The following CPS1 variants were observed in gnomAD, a reference collection of about 807,000 sequenced individuals.
CPS1 encodes carbamoyl-phosphate synthase [ammonia], mitochondrial.
CPS1 carries 109 observed loss-of-function variants against 174.6 expected under a neutral mutation model. The ratio of observed to expected loss-of-function variants is 0.62; its 90% CI spans 0.53 to 0.73. CPS1 has a LOEUF of 0.73. Ranked by LOEUF, CPS1 falls within the 30% of genes least tolerant of loss-of-function variation. The pLI is 0.00. For synonymous variants in CPS1, 637 were observed against 632.0 expected (o/e 1.01, Z -0.12); for missense variants, 1,689 against 1,821.9 (o/e 0.93, Z 1.33).
At chr2:210,597,788 C>T (rs189428077) in intron 13 of CPS1, among the ~76,000 whole-genome samples, 6 of 149,802 alleles carry the variant, frequency 4.0e-5, no homozygotes, top group East Asian at 2.0e-4. Context: ...AGGTCTCTCC[C>T]GATGTAAGGA....
intron 33 of CPS1, among the ~76,000 whole-genome samples, chr2:210,666,807 C>A (rs529386561): frequency 6.6e-6 from 1 of 152,080 alleles, no homozygotes. Flanking sequence ...CTTGGCAATG[C>A]GGGCTCTTTT....
intron 25 of CPS1, among the ~76,000 whole-genome samples, chr2:210,643,117 G>A (rs1011599512): frequency 2.6e-5 from 4 of 152,102 alleles, no homozygotes; most frequent in African/African-American, 9.7e-5. Context: ...GCTCACAAAA[G>A]ACCAGTTAAT....
Position 210,658,601 on chromosome 2 carries a change from G to A in CPS1, c.3669G>A (p.Val1223=), listed in dbSNP as rs1265159375. The A allele has an allele frequency of 6.2e-7, 1 of 1,613,740 alleles. No individual in the cohort carries two copies. The highest frequency in any genetic ancestry group is 1.7e-5 in the Admixed American group (1 of 60,024). ...QTISQGAIEK[V]KDATRKIAKA... is the part of the protein sequence containing the mutation. ...TACGATTATGCTTTTTAATTCAGGT[G>A]AAGGATGCTACCCGGAAGATTGCAA... is the stretch of plus-strand genomic sequence containing the variant. Residue 1223 remains valine (V), a splice_region_variant and synonymous_variant, in exon 31 of 38, where the codon GTG becomes GTA. Transcript: ENST00000233072.
In CPS1 at chr2:210,642,604, G is replaced by A; in HGVS notation, c.3080G>A (p.Cys1027Tyr). 2 of 1,614,064 alleles carry A rather than the reference G, an allele frequency of 1.2e-6. No individual in the cohort carries two copies. The highest frequency in any genetic ancestry group is 1.7e-6 in the Non-Finnish European group (2 of 1,179,974). Reference protein sequence around the residue: ...PETVSTDFDECDKLYFEELSL... With the variant: ...PETVSTDFDEYDKLYFEELSL... ...ACTGTGAGCACAGACTTTGATGAGT[G>A]TGACAAACTGTACTTTGAAGAGTTG... The change falls in exon 25 of 38, where the codon TGT (cysteine) becomes TAT (tyrosine). Residue 1027 changes from cysteine to tyrosine, a missense_variant. Transcript: ENST00000233072.
intron 19 of CPS1, among the ~76,000 whole-genome samples, chr2:210,610,591 T>G (rs181449164): frequency 6.6e-6 from 1 of 152,032 alleles, no homozygotes; most frequent in Non-Finnish European, 1.5e-5. Flanking sequence ...CCCATTATAG[T>G]CATTCCACTG....
intron 1 of CPS1, among the ~76,000 whole-genome samples, chr2:210,497,616 G>T (rs1695023271): frequency 6.6e-6 from 1 of 151,824 alleles, no homozygotes; most frequent in Non-Finnish European, 1.5e-5. Context: ...CAGTGTTTAG[G>T]TCCCACTTAT....
At chr2:210,549,006 G>A (rs1166358426) in intron 1 of CPS1, among the ~76,000 whole-genome samples, 1 of 152,052 alleles carries the variant, frequency 6.6e-6, no homozygotes, top group South Asian at 2.1e-4. Flanking sequence ...GGTGGAGTAG[G>A]AATGTGCGTA....
Position 210,678,384 on chromosome 2 carries a change from A to G in CPS1, c.*399A>G. 1 of 273,782 alleles carries G rather than the reference A, an allele frequency of 3.7e-6. No individual in the cohort carries two copies. The highest frequency in any genetic ancestry group is 7.1e-6 in the Non-Finnish European group (1 of 140,984). The allele number at this position is 273,782 out of a possible 1,614,324, so 17.0% of individuals were successfully genotyped here. A position where few individuals can be genotyped will look rare whatever the true frequency, so the allele number is the denominator to read the frequency against. Reference sequence around the variant, plus strand: ...AAAACACTATCTGCAAACTCAGGACACTTTAACAGGGCAGAATACTCTAAA... The same window carrying G: ...AAAACACTATCTGCAAACTCAGGACGCTTTAACAGGGCAGAATACTCTAAA... On this transcript the variant is annotated 3_prime_UTR_variant, in exon 38 of 38. Coordinates refer to ENST00000233072, the MANE Select transcript of CPS1 (RefSeq NM_001875.5).
At chr2:210,670,022 C>T (rs762885062) in intron 34 of CPS1, among the ~76,000 whole-genome samples, 36 of 151,900 alleles carry the variant, frequency 2.4e-4, no homozygotes, top group Non-Finnish European at 4.0e-4. Context: ...CATTAGTGGA[C>T]AGAATTTTGC....
intron 1 of CPS1, among the ~76,000 whole-genome samples, chr2:210,542,471 T>C (rs1334225878): frequency 6.6e-6 from 1 of 152,098 alleles, no homozygotes; most frequent in Non-Finnish European, 1.5e-5. Flanking sequence ...CACTACCAAG[T>C]AAACAAACCT....
chr2:210,506,683 G>GA (rs1263689776), intron 1 of CPS1, among the ~76,000 whole-genome samples: 1 of 152,184 alleles, frequency 6.6e-6, no homozygotes, highest in East Asian at 1.9e-4. Context: ...AGTCCTTAAA[G>GA]GACCTGATGG....
At chr2:210,527,592 C>G (rs1345988876) in intron 1 of CPS1, among the ~76,000 whole-genome samples, 1 of 151,880 alleles carries the variant, frequency 6.6e-6, no homozygotes, top group Non-Finnish European at 1.5e-5. Context: ...TTCCTGATAT[C>G]CCTGACCAGG....
chr2:210,491,883 T>A (rs867389315), intron 1 of CPS1, among the ~76,000 whole-genome samples: 2 of 152,342 alleles, frequency 1.3e-5, no homozygotes. Context: ...TTCTGCTCTC[T>A]CAGTTCTTGT....
chr2:210,524,859 G>C (rs11686981), intron 1 of CPS1, among the ~76,000 whole-genome samples: 9,203 of 151,978 alleles, frequency 0.061, 391 homozygotes, highest in Non-Finnish European at 0.092. Context: ...ACCTCCTTCA[G>C]TGTTTCTTGT....
At chr2:210,676,889 G>C (rs532985289) in intron 36 of CPS1, 118 bp from the exon 37 acceptor site, 1 of 867,502 alleles carries the variant, frequency 1.2e-6, no homozygotes, top group African/African-American at 1.7e-5. Context: ...GAGGGCAGAT[G>C]GCAGTCAACT....
intron 27 of CPS1, among the ~76,000 whole-genome samples, chr2:210,649,626 T>G (rs988967830): frequency 1.3e-5 from 2 of 152,218 alleles, no homozygotes; most frequent in African/African-American, 4.8e-5. Context: ...AAAATACATT[T>G]TAACATTAAA....
At chr2:210,519,300 G>T (rs1052150252) in intron 1 of CPS1, among the ~76,000 whole-genome samples, 2 of 151,952 alleles carry the variant, frequency 1.3e-5, no homozygotes, top group Non-Finnish European at 2.9e-5. Context: ...CTTTAAAAAT[G>T]AATAGACTAT....
intron 26 of CPS1, among the ~76,000 whole-genome samples, 160 bp downstream of exon 26, chr2:210,648,217 A>G (rs1700442035): frequency 6.6e-6 from 1 of 152,240 alleles, no homozygotes; most frequent in South Asian, 2.1e-4. Flanking sequence ...ATTGCAGTTA[A>G]TGCTGATTAT....
intron 1 of CPS1, among the ~76,000 whole-genome samples, chr2:210,569,578 C>T (rs893661220): frequency 6.6e-6 from 1 of 152,030 alleles, no homozygotes; most frequent in Non-Finnish European, 1.5e-5. Flanking sequence ...ATTCCCTTAT[C>T]TAGCCTTTTA....
Sources: allele counts gnomAD v4.1 joint callset (sites outside exome capture counted in the v4.1 genomes callset), GRCh38; gene constraint gnomAD v4.1.1; transcripts MANE v1.5; gene names NCBI Gene and HGNC (gene_info 2026-07-23, HGNC 2026-07-21).